Variants in VCPKMT observed in about 807,000 individuals in gnomAD.
The protein encoded by VCPKMT is valosin containing protein lysine methyltransferase, also known as protein N-lysine methyltransferase METTL21D.
Under a neutral mutation model 28.6 loss-of-function variants are expected in VCPKMT, and 32 were observed. That is an observed-to-expected ratio of 1.12 (90% CI 0.84 to 1.50). The LOEUF is 1.50. VCPKMT is among the 40% of genes most tolerant of loss of function. VCPKMT has a pLI of 0.00. For synonymous variants in VCPKMT, 138 were observed against 111.4 expected, an observed-to-expected ratio of 1.24 and a Z score of -1.50; for missense variants, 366 against 285.0, an observed-to-expected ratio of 1.28 and a Z score of -2.05.
chr14:50,115,980 G>A (rs1883149972), intron 2 of VCPKMT, 69 bp from the exon 3 acceptor site: 12 of 1,596,810 alleles, frequency 7.5e-6, no homozygotes, highest in South Asian at 1.1e-5. Context: ...ATAAAGAACC[G>A]GAAAGTCCCC....
At chr14:50,110,304 T>G (rs1476928363) in intron 5 of VCPKMT, among the ~76,000 whole-genome samples, 2 of 151,786 alleles carry the variant, frequency 1.3e-5, no homozygotes, top group African/African-American at 4.8e-5. Context: ...ATTGAGAAAA[T>G]GAAAAGACAA....
chr14:50,111,315 T>A, intron 5 of VCPKMT: 5 of 985,444 alleles, frequency 5.1e-6, no homozygotes, highest in Non-Finnish European at 6.0e-6. Context: ...TTTTTTTGTA[T>A]CTGTGGCACC....
chr14:50,108,888 C>T lies in VCPKMT; in HGVS notation c.*811G>A, dbSNP rs1302910382. The T allele has an allele frequency of 4.1e-6, 4 of 985,294 alleles. No homozygotes were observed. The highest frequency in any genetic ancestry group is 1.7e-5 in the African/African-American group (1 of 57,224). The allele number at this position is 985,294 out of a possible 1,614,324, so 61.0% of individuals were successfully genotyped here. ...CTTTCACTGCTTCATGTAAACAATA[C>T]CAGTATTTTTAAGCCAGATTTTCCT... On this transcript the variant is annotated 3_prime_UTR_variant, in exon 6 of 6. Coordinates refer to ENST00000395860, the MANE Select transcript of VCPKMT (RefSeq NM_024558.3).
At chr14:50,107,309 TC>T (rs1882361295), downstream of VCPKMT, among the ~76,000 whole-genome samples, 1 of 151,564 alleles carries the variant, frequency 6.6e-6, no homozygotes, top group Non-Finnish European at 1.5e-5. Flanking sequence ...AAGAAAGATA[TC>T]CTATTTGACT....
At chr14:50,102,928 C>T in the VCPKMT span, among the ~76,000 whole-genome samples, 1 of 152,186 alleles carries the variant, frequency 6.6e-6, no homozygotes, top group Admixed American at 6.5e-5. Context: ...TTTAATATAA[C>T]GCAGAAGCAG....
At chr14:50,111,015 AATG>A (rs1882615080) in intron 5 of VCPKMT, 1 of 311,350 alleles carries the variant, frequency 3.2e-6, no homozygotes. Flanking sequence ...AGTGACTGCT[AATG>A]GGTAAGAGGC....
chr14:50,104,983 CT>C (rs1882274534), downstream of VCPKMT, among the ~76,000 whole-genome samples: 1 of 151,824 alleles, frequency 6.6e-6, no homozygotes. Flanking sequence ...AAGAAAAAAA[CT>C]TGTTTTACTT....
intron 5 of VCPKMT, among the ~76,000 whole-genome samples, chr14:50,110,899 T>G (rs2355667): frequency 0.87 from 132,060 of 152,164 alleles, 57,401 homozygotes; most frequent in East Asian, 0.92. Context: ...AAGAAGACAG[T>G]CACAAGAGGC....
Position 50,111,390 on chromosome 14 carries a change from AC to A in VCPKMT, c.675+1224del, listed in dbSNP as rs930002691. 3 of 985,298 alleles carry A rather than the reference AC, an allele frequency of 3.0e-6. No individual in the cohort carries two copies. The African/African-American group carries it at 5.2e-5, about 17-fold the overall frequency. 61.0% of individuals were successfully genotyped at this position (985,298 alleles called of 1,614,324 possible). ...CTTTTTACTTAGATTTAGTCCTAACACCTACTTCTGTTCCCTAAGTTTTATT... is the reference window on the plus strand; with the variant it reads ...CTTTTTACTTAGATTTAGTCCTAACACTACTTCTGTTCCCTAAGTTTTATT... On this transcript the variant is annotated intron_variant, in intron 5 of 5. Coordinates refer to ENST00000395860, the MANE Select transcript of VCPKMT (RefSeq NM_024558.3).
downstream of VCPKMT, among the ~76,000 whole-genome samples, chr14:50,108,374 T>G (rs991803572): frequency 6.6e-6 from 1 of 152,128 alleles, no homozygotes; most frequent in Admixed American, 6.5e-5. Context: ...GCTAGCACTA[T>G]CTGTACCTCA....
Position 50,109,567 on chromosome 14 carries a change from A to AC in VCPKMT, c.*131dup. On this transcript the variant is annotated 3_prime_UTR_variant, in exon 6 of 6. Transcript: ENST00000395860. ...ACAGCCCCTGGTGGTCATCATCTAT[A>AC]CATCGGATCTCTAAGGACGTGCCGG... 1 of 1,410,702 alleles carries AC rather than the reference A, an allele frequency of 7.1e-7. No individual in the cohort carries two copies. Among genetic ancestry groups the AC allele is most frequent in the Non-Finnish European group, 9.2e-7 (1 of 1,086,448 alleles). The allele number at this position is 1,410,702 out of a possible 1,614,324, so 87.4% of individuals were successfully genotyped here. A position where few individuals can be genotyped will look rare whatever the true frequency, so the allele number is the denominator to read the frequency against.
chr14:50,111,961 C>A, intron 5 of VCPKMT: 1 of 985,278 alleles, frequency 1.0e-6, no homozygotes, highest in Non-Finnish European at 1.2e-6. Flanking sequence ...ACTGAGGCAA[C>A]CTGCATAAAA....
chr14:50,116,029 C>A (rs1265587940), intron 2 of VCPKMT, 40 bp downstream of exon 2: 4 of 1,595,736 alleles, frequency 2.5e-6, no homozygotes, highest in Non-Finnish European at 2.6e-6. Context: ...AAACAAACTA[C>A]AAATCAATAT....
rs550342145 is a variant in VCPKMT at position 50,109,010 on chromosome 14, A to G, written c.*689T>C. On this transcript the variant is annotated 3_prime_UTR_variant, in exon 6 of 6. Coordinates refer to ENST00000395860, the MANE Select transcript of VCPKMT (RefSeq NM_024558.3). ...ATGCTCAAATGAAAAATCTGTAAAG[A>G]TATCTTTTGTTCCTCCAATCTTCTG... The G allele has an allele frequency of 1.7e-5, 17 of 985,444 alleles. 1 individual carries two copies. The East Asian group carries it at 4.5e-4, about 26-fold the overall frequency. 61.0% of individuals were successfully genotyped at this position (985,444 alleles called of 1,614,324 possible). A position where few individuals can be genotyped will look rare whatever the true frequency, so the allele number is the denominator to read the frequency against.
rs1442300538 is a variant in VCPKMT at position 50,114,340 on chromosome 14, C to T, written c.515G>A (p.Cys172Tyr). The change falls in exon 4 of 6, where the codon TGT (cysteine) becomes TAT (tyrosine). Residue 172 changes from cysteine (C) to tyrosine (Y), a missense_variant. Physicochemically the swap from Cys to Tyr is radical, Grantham distance 194. Coordinates refer to ENST00000395860, the MANE Select transcript of VCPKMT (RefSeq NM_024558.3). ...TTTCCCCATTGTTCGTTGTTCATAA[C>T]AACATATAATACAAGTTTCAAATCC... ...ISGFETCIIC[C>Y]YEQRTMGKNP... 1.3e-6 allele frequency: 2 copies of T among 1,593,722 alleles called. No individual in the cohort carries two copies. Among genetic ancestry groups the T allele is most frequent in the African/African-American group, 1.4e-5 (1 of 73,988 alleles).
At chr14:50,110,964 A>C (rs1209400838) in intron 5 of VCPKMT, 1 of 165,814 alleles carries the variant, frequency 6.0e-6, no homozygotes, top group Admixed American at 6.5e-5. Flanking sequence ...AAATCCATAG[A>C]GATTAGTGGC....
At chr14:50,115,936 C>G in intron 2 of VCPKMT, 25 bp from the exon 3 acceptor site, 2 of 1,611,792 alleles carry the variant, frequency 1.2e-6, no homozygotes, top group Non-Finnish European at 1.7e-6. Flanking sequence ...ACAAATATTT[C>G]AATTGTTTTA....
In VCPKMT at chr14:50,109,673, A is replaced by G; in HGVS notation, c.*26T>C. 1 of 1,595,812 alleles carries G rather than the reference A, an allele frequency of 6.3e-7. No homozygotes were observed. The highest frequency in any genetic ancestry group is 1.1e-5 in the South Asian group (1 of 87,696). On this transcript the variant is annotated 3_prime_UTR_variant, in exon 6 of 6. Transcript: ENST00000395860. ...ATCTTTAGTTTACCCAGGTTGTTAG[A>G]GCCTTGGGTAAGATGATTAAAGGCT...
In VCPKMT at chr14:50,109,129, G is replaced by A. The variant is rs1882468404; in HGVS notation, c.*570C>T. ...GAAAAGAAAACTTTGGCTAATATAA[G>A]TATACAAGACAATATCTCAGTTCTT... On this transcript the variant is annotated 3_prime_UTR_variant, in exon 6 of 6. Transcript: ENST00000395860. 1 of 924,980 alleles carries A rather than the reference G, an allele frequency of 1.1e-6. No homozygotes were observed. Among genetic ancestry groups the A allele is most frequent in the Non-Finnish European group, 1.3e-6 (1 of 774,480 alleles). The allele number at this position is 924,980 out of a possible 1,614,324, so 57.3% of individuals were successfully genotyped here.
Sources: allele counts gnomAD v4.1 joint callset (sites outside exome capture counted in the v4.1 genomes callset), GRCh38; gene constraint gnomAD v4.1.1; transcripts MANE v1.5; gene names NCBI Gene and HGNC (gene_info 2026-07-23, HGNC 2026-07-21).